The following FBXL13 variants were observed in gnomAD, a reference collection of about 807,000 sequenced individuals.
FBXL13 encodes F-box and leucine rich repeat protein 13.
In FBXL13, 67 loss-of-function variants were observed where a neutral mutation model predicts 83.6. The ratio of observed to expected loss-of-function variants is 0.80; its 90% confidence interval spans 0.66 to 0.98. The LOEUF (loss-of-function observed/expected upper bound fraction) is 0.98, where lower values mean the gene tolerates loss of function less well. Ranked by LOEUF, FBXL13 falls within the 50% of genes least tolerant of loss-of-function variation. The probability of loss-of-function intolerance (pLI) is 0.00; values close to 1 mark genes in which losing one functional copy is unlikely to be tolerated. For missense variants in FBXL13, 822 were observed against 866.5 expected (o/e 0.95, Z 0.64); for synonymous variants, 272 against 299.5 (o/e 0.91, Z 0.95).
intron 11 of FBXL13, among the ~76,000 whole-genome samples, chr7:102,908,820 C>T (rs1814175103): frequency 6.6e-6 from 1 of 152,248 alleles, no homozygotes; most frequent in South Asian, 2.1e-4. Context: ...GTGGCCTCCA[C>T]CACTATGATT....
chr7:103,037,208 T>G (rs1795159592), intron 2 of FBXL13, among the ~76,000 whole-genome samples: 1 of 152,204 alleles, frequency 6.6e-6, no homozygotes, highest in Admixed American at 6.5e-5. Flanking sequence ...TGATGCCTTA[T>G]CAGATAACAG....
chr7:103,021,358 T>A (rs1394139293), intron 6 of FBXL13, among the ~76,000 whole-genome samples: 1 of 152,150 alleles, frequency 6.6e-6, no homozygotes, highest in Non-Finnish European at 1.5e-5. Flanking sequence ...ACTTAAATGT[T>A]AGACCTAAAA....
chr7:102,835,889 G>A (rs1203819141), intron 17 of FBXL13, among the ~76,000 whole-genome samples: 3 of 152,250 alleles, frequency 2.0e-5, no homozygotes, highest in South Asian at 2.1e-4. Context: ...GATTACAGGC[G>A]TGAGCCACCG....
chr7:102,823,195 A>T (rs911893392), intron 18 of FBXL13, among the ~76,000 whole-genome samples: 1 of 152,234 alleles, frequency 6.6e-6, no homozygotes, highest in African/African-American at 2.4e-5. Flanking sequence ...TGAGCAACTT[A>T]TGAAATGCTA....
chr7:103,000,840 C>A (rs1790312344), intron 6 of FBXL13, among the ~76,000 whole-genome samples: 1 of 152,156 alleles, frequency 6.6e-6, no homozygotes, highest in Non-Finnish European at 1.5e-5. Context: ...TATACAGTGA[C>A]CTTCTTTGTC....
At chr7:102,917,098 GCT>G (rs1816047340) in intron 10 of FBXL13, among the ~76,000 whole-genome samples, 1 of 152,076 alleles carries the variant, frequency 6.6e-6, no homozygotes, top group African/African-American at 2.4e-5. Flanking sequence ...TGAGTGTTGG[GCT>G]CTCTGGTTTC....
chr7:102,945,563 A>G (rs1452522348), intron 8 of FBXL13, among the ~76,000 whole-genome samples: 1 of 152,138 alleles, frequency 6.6e-6, no homozygotes, highest in African/African-American at 2.4e-5. Context: ...TTGGGTTTGC[A>G]GGTTAAAATG....
chr7:102,985,139 T>C (rs767089397), intron 6 of FBXL13, among the ~76,000 whole-genome samples: 14 of 152,198 alleles, frequency 9.2e-5, no homozygotes, highest in Non-Finnish European at 1.8e-4. Context: ...AAGATCACCA[T>C]GTGTTGATGG....
intron 6 of FBXL13, among the ~76,000 whole-genome samples, chr7:102,985,161 C>T (rs906981679): frequency 2.0e-5 from 3 of 152,228 alleles, no homozygotes; most frequent in Admixed American, 6.5e-5. Context: ...TTCATACCCA[C>T]ACCACTGTGT....
intron 1 of FBXL13, among the ~76,000 whole-genome samples, chr7:103,058,420 G>A (rs1190235830): frequency 1.3e-5 from 2 of 152,204 alleles, no homozygotes; most frequent in Admixed American, 6.5e-5. Context: ...TAAAGAGCCA[G>A]CAAGAGTGGG....
At chr7:102,899,725 A>G (rs964424108) in intron 11 of FBXL13, among the ~76,000 whole-genome samples, 4 of 152,210 alleles carry the variant, frequency 2.6e-5, no homozygotes, top group Admixed American at 2.6e-4. Flanking sequence ...TTTGCAAGTT[A>G]TGATATTCAT....
intron 19 of FBXL13, among the ~76,000 whole-genome samples, chr7:102,817,221 C>A (rs1393837798): frequency 6.6e-6 from 1 of 152,190 alleles, no homozygotes; most frequent in Non-Finnish European, 1.5e-5. Context: ...TACATTCCCA[C>A]CACAGTGTAA....
At chr7:102,910,187 A>G (rs552228349) in intron 11 of FBXL13, among the ~76,000 whole-genome samples, 25 of 152,106 alleles carry the variant, frequency 1.6e-4, no homozygotes, top group Admixed American at 1.5e-3. Context: ...ACTAAGTTCA[A>G]TGCCTCACAA....
chr7:102,857,726 T>C (rs11983521), intron 16 of FBXL13: 29,203 of 152,034 alleles, frequency 0.19, 3,077 homozygotes, highest in East Asian at 0.43. Flanking sequence ...AAAATCATCA[T>C]CAGGGAAACG....
At chr7:102,942,396 A>G in intron 8 of FBXL13, 1 of 1,409,414 alleles carries the variant, frequency 7.1e-7, no homozygotes, top group Non-Finnish European at 9.7e-7. Context: ...GTGAATAACA[A>G]TCATATAAAA....
chr7:103,047,498 C>T (rs573626579), intron 2 of FBXL13, among the ~76,000 whole-genome samples: 51 of 152,290 alleles, frequency 3.3e-4, no homozygotes, highest in African/African-American at 1.1e-3. Flanking sequence ...ATCAATTTCA[C>T]TATCGGCTGG....
chr7:102,873,505 C>T (rs887592386), intron 16 of FBXL13, among the ~76,000 whole-genome samples: 4 of 152,196 alleles, frequency 2.6e-5, no homozygotes, highest in African/African-American at 7.2e-5. Context: ...CTAACACAGG[C>T]GTTCATAACT....
At chr7:102,861,415 C>CT (rs34564630) in intron 16 of FBXL13, among the ~76,000 whole-genome samples, 2 of 151,842 alleles carry the variant, frequency 1.3e-5, no homozygotes, top group East Asian at 3.9e-4. Context: ...TCAAGGTAAA[C>CT]TTTTTTTGCA....
chr7:102,926,113 C>G (rs1034808059), intron 10 of FBXL13, among the ~76,000 whole-genome samples, 161 bp downstream of exon 11: 12 of 152,148 alleles, frequency 7.9e-5, no homozygotes, highest in African/African-American at 2.9e-4. Context: ...GTTCAGGCAC[C>G]AGCTTAGGGA....
Sources: allele counts gnomAD v4.1 joint callset (sites outside exome capture counted in the v4.1 genomes callset), GRCh38; gene constraint gnomAD v4.1.1; transcripts MANE v1.5; gene names NCBI Gene and HGNC (gene_info 2026-07-23, HGNC 2026-07-21).